Variants in MDGA2 observed in about 807,000 individuals in gnomAD.
The protein encoded by MDGA2 is MAM domain-containing glycosylphosphatidylinositol anchor protein 2.
Under a neutral mutation model 117.8 loss-of-function variants are expected in MDGA2, and 40 were observed. The ratio of observed to expected loss-of-function variants is 0.34; its 90% CI spans 0.26 to 0.44. MDGA2 has a LOEUF of 0.44. Ranked by LOEUF, MDGA2 falls within the 20% of genes least tolerant of loss-of-function variation. The pLI is 1.00. For synonymous variants in MDGA2, 452 were observed against 439.0 expected, an observed-to-expected ratio of 1.03 and a Z score of -0.37; for missense variants, 1,123 against 1,250.6, an observed-to-expected ratio of 0.90 and a Z score of 1.54.
chr14:46,865,913 C>T (rs1386661037), intron 14 of MDGA2, among the ~76,000 whole-genome samples: 1 of 151,114 alleles, frequency 6.6e-6, no homozygotes, highest in Non-Finnish European at 1.5e-5. Flanking sequence ...AATGGAAGAA[C>T]ATTCCATGCT....
At chr14:47,080,325 A>T (rs1011167743) in intron 6 of MDGA2, among the ~76,000 whole-genome samples, 3 of 152,334 alleles carry the variant, frequency 2.0e-5, no homozygotes, top group Admixed American at 1.3e-4. Context: ...ATAACGCAAG[A>T]TCAAGCTAAT....
chr14:47,519,136 C>T (rs938698450), intron 1 of MDGA2, among the ~76,000 whole-genome samples: 3 of 147,982 alleles, frequency 2.0e-5, no homozygotes, highest in Non-Finnish European at 3.0e-5. Flanking sequence ...ACCCGGGAGG[C>T]GGAGGTTGCA....
In MDGA2 at chr14:47,097,185, G is replaced by A. The variant is rs2138978542; in HGVS notation, c.926-62C>T. On this transcript the variant is annotated intron_variant, in intron 5 of 16. Coordinates refer to ENST00000399232, the MANE Select transcript of MDGA2 (RefSeq NM_001113498.3). Reference sequence around the variant, plus strand: ...GATATGCTACAACTAGAATTCAACAGCATGCATTATATTGGTTCATTCAAA... The same window carrying A: ...GATATGCTACAACTAGAATTCAACAACATGCATTATATTGGTTCATTCAAA... The A allele has an allele frequency of 5.2e-6, 8 of 1,542,132 alleles. 1 individual carries two copies. In the East Asian group the frequency reaches 1.1e-4, roughly 22 times the overall value.
At position 47,126,208 on chromosome 14, in the gene MDGA2, A is replaced by G. The variant is rs149806867; in HGVS notation, c.925+5506T>C. Among the ~76,000 whole-genome samples, 1,397 of 152,168 alleles carry G rather than the reference A, an allele frequency of 9.2e-3. 27 individuals are homozygous for G. The highest frequency in any genetic ancestry group is 0.032 in the African/African-American group (1,342 of 41,544). On this transcript the variant is annotated intron_variant, in intron 5 of 16. Transcript: ENST00000399232. ...TTATGCTCCCAGGTTAAAGATATAT[A>G]TAAATTTTAAAAATAATTTACCAAT...
At chr14:47,362,829 C>G (rs1891152303) in intron 1 of MDGA2, among the ~76,000 whole-genome samples, 1 of 152,114 alleles carries the variant, frequency 6.6e-6, no homozygotes, top group Non-Finnish European at 1.5e-5. Flanking sequence ...TGAATTACTT[C>G]AAAACAAATG....
At chr14:46,978,841 G>A (rs1022448147) in intron 8 of MDGA2, among the ~76,000 whole-genome samples, 7 of 152,018 alleles carry the variant, frequency 4.6e-5, no homozygotes, top group African/African-American at 1.7e-4. Flanking sequence ...ATTTTTCTTA[G>A]ATACTGAGTT....
chr14:46,864,588 G>T (rs941682364), intron 14 of MDGA2, among the ~76,000 whole-genome samples: 514 of 17,854 alleles, frequency 0.029, no homozygotes, highest in Middle Eastern at 0.062. Context: ...TTAAAGGTTT[G>T]TTGTAACCCT....
intron 1 of MDGA2, among the ~76,000 whole-genome samples, chr14:47,410,792 A>C (rs991657140): frequency 2.0e-5 from 3 of 152,200 alleles, no homozygotes; most frequent in African/African-American, 7.2e-5. Context: ...TTTTATGCTC[A>C]ACAAAATTGG....
intron 9 of MDGA2, among the ~76,000 whole-genome samples, chr14:46,940,013 TCTC>T (rs1210327210): frequency 1.3e-5 from 2 of 152,184 alleles, no homozygotes; most frequent in Admixed American, 1.3e-4. Context: ...GGAGCTTTTC[TCTC>T]CTCCTAATTT....
chr14:46,919,952 T>A (rs1884060712), intron 10 of MDGA2, 60 bp downstream of exon 10: 1 of 1,438,772 alleles, frequency 7.0e-7, no homozygotes, highest in South Asian at 1.6e-5. Context: ...AGAAAAATGA[T>A]AACAACAAGG....
chr14:47,519,615 T>G (rs151090399), intron 1 of MDGA2, among the ~76,000 whole-genome samples: 5 of 152,348 alleles, frequency 3.3e-5, no homozygotes, highest in African/African-American at 1.2e-4. Context: ...TTTTATTTGA[T>G]TATTTTGTCA....
At chr14:47,321,470 A>G (rs1220116460) in intron 1 of MDGA2, among the ~76,000 whole-genome samples, 2 of 152,094 alleles carry the variant, frequency 1.3e-5, no homozygotes, top group Non-Finnish European at 2.9e-5. Flanking sequence ...GGTAATTGAA[A>G]CCTAACCTCT....
intron 10 of MDGA2, among the ~76,000 whole-genome samples, chr14:46,895,218 G>A (rs1883028688): frequency 6.6e-6 from 1 of 152,056 alleles, no homozygotes; most frequent in Non-Finnish European, 1.5e-5. Flanking sequence ...AATCAGGGGG[G>A]CAGTTACCCC....
At chr14:47,294,600 TTAATA>T (rs779933403) in intron 2 of MDGA2, among the ~76,000 whole-genome samples, 9 of 151,910 alleles carry the variant, frequency 5.9e-5, no homozygotes, top group East Asian at 1.9e-4. Flanking sequence ...CAAAAAAGAA[TTAATA>T]TAATATTTGA....
chr14:46,924,317 CAT>C (rs1434739335), intron 9 of MDGA2, among the ~76,000 whole-genome samples: 2 of 151,812 alleles, frequency 1.3e-5, no homozygotes, highest in Non-Finnish European at 2.9e-5. Flanking sequence ...AAAGTTCAAA[CAT>C]AAATTAAAAA....
chr14:47,048,773 G>A (rs553762136), intron 7 of MDGA2, among the ~76,000 whole-genome samples: 8 of 152,148 alleles, frequency 5.3e-5, no homozygotes, highest in South Asian at 2.1e-4. Context: ...TAACAGATCC[G>A]TTAATAGATA....
chr14:47,255,885 T>C (rs1887600742), intron 2 of MDGA2, among the ~76,000 whole-genome samples: 2 of 152,062 alleles, frequency 1.3e-5, no homozygotes, highest in Admixed American at 1.3e-4. Context: ...GAAACCAGTA[T>C]TGGCATATTT....
At chr14:47,355,613 G>C (rs1890977240) in intron 1 of MDGA2, among the ~76,000 whole-genome samples, 1 of 152,020 alleles carries the variant, frequency 6.6e-6, no homozygotes, top group Non-Finnish European at 1.5e-5. Flanking sequence ...AACTGCCAGA[G>C]AAAGTGCTCC....
intron 1 of MDGA2, among the ~76,000 whole-genome samples, chr14:47,553,825 G>A (rs954953340): frequency 6.6e-5 from 10 of 152,164 alleles, no homozygotes; most frequent in East Asian, 1.9e-4. Context: ...TTTTGCACAC[G>A]TTAGGTGTTC....
Sources: allele counts gnomAD v4.1 joint callset (sites outside exome capture counted in the v4.1 genomes callset), GRCh38; gene constraint gnomAD v4.1.1; transcripts MANE v1.5; gene names NCBI Gene and HGNC (gene_info 2026-07-23, HGNC 2026-07-21).